The following LARGE1 variants were observed in gnomAD, a reference collection of about 807,000 sequenced individuals.
The protein encoded by LARGE1 is xylosyl- and glucuronyltransferase LARGE1.
LARGE1 carries 43 observed loss-of-function variants against 87.6 expected under a neutral mutation model. That is an observed-to-expected ratio of 0.49 (90% CI 0.38 to 0.63). The LOEUF (loss-of-function observed/expected upper bound fraction) is 0.63, where lower values mean the gene tolerates loss of function less well. LARGE1 is among the 30% of genes least tolerant of loss of function. The pLI is 0.00. For synonymous variants in LARGE1, 434 were observed against 394.6 expected, an observed-to-expected ratio of 1.10 and a Z score of -1.18; for missense variants, 802 against 1,000.2, an observed-to-expected ratio of 0.80 and a Z score of 2.67.
intron 6 of LARGE1, among the ~76,000 whole-genome samples, chr22:33,438,349 C>A (rs1208844530): frequency 6.6e-6 from 1 of 152,184 alleles, no homozygotes; most frequent in African/African-American, 2.4e-5. Context: ...AACACTGTGA[C>A]TCACAGAAAA....
At position 33,299,311 on chromosome 22, in the gene LARGE1, G is replaced by A. The variant is rs559554645; in HGVS notation, c.1730+4918C>T. 8.6e-5 allele frequency among the ~76,000 whole-genome samples: 13 copies of A among 151,936 alleles called. No individual in the cohort carries two copies. The South Asian group carries it at 2.7e-3, about 32-fold the overall frequency. ...AAGAAAGGAAGGGAAGGAAAGGAGT[G>A]GAGGGGAGGGGAAAAGAGGGAAGGG... On this transcript the variant is annotated intron_variant, in intron 12 of 14. Transcript: ENST00000397394.
chr22:33,589,274 G>C (rs2078766853), intron 5 of LARGE1, among the ~76,000 whole-genome samples: 1 of 152,168 alleles, frequency 6.6e-6, no homozygotes, highest in Non-Finnish European at 1.5e-5. Context: ...TCAAGGATCT[G>C]TCATGAGATT....
At chr22:33,149,206 AT>A in the LARGE1 span, among the ~76,000 whole-genome samples, 1 of 119,790 alleles carries the variant, frequency 8.3e-6, no homozygotes, top group South Asian at 4.4e-4. Context: ...CCGGCTAATT[AT>A]TTTTTTAATA....
chr22:33,783,838 G>C (rs1044107274), intron 1 of LARGE1, among the ~76,000 whole-genome samples: 3 of 152,086 alleles, frequency 2.0e-5, no homozygotes, highest in Admixed American at 2.0e-4. Context: ...GGTGGTTATT[G>C]ACCACCAGGC....
rs184525485 is a variant in LARGE1 at position 33,643,123 on chromosome 22, C to A, written c.408+7244G>T. Among the ~76,000 whole-genome samples the A allele has an allele frequency of 4.0e-4, 61 of 152,234 alleles. No individual in the cohort carries two copies. The East Asian group carries it at 0.011, about 27-fold the overall frequency. Reference sequence around the variant, plus strand: ...TGCCCAGCACCATAAAGCACTTATTCTAAAATCGACCACATAATTGGAAAT... The same window carrying A: ...TGCCCAGCACCATAAAGCACTTATTATAAAATCGACCACATAATTGGAAAT... On this transcript the variant is annotated intron_variant, in intron 3 of 14. Transcript: ENST00000397394.
At chr22:33,511,509 A>G (rs545509010) in intron 6 of LARGE1, among the ~76,000 whole-genome samples, 1 of 152,286 alleles carries the variant, frequency 6.6e-6, no homozygotes, top group South Asian at 2.1e-4. Flanking sequence ...AGGTGACCTA[A>G]GAAGTACAAC....
At chr22:33,805,320 A>T (rs1449146166) in intron 1 of LARGE1, among the ~76,000 whole-genome samples, 2 of 151,994 alleles carry the variant, frequency 1.3e-5, no homozygotes, top group African/African-American at 2.4e-5. Context: ...CCCTTCCTCT[A>T]TCCTTGTCTG....
intron 5 of LARGE1, among the ~76,000 whole-genome samples, chr22:33,580,693 A>G (rs968890971): frequency 5.3e-5 from 8 of 152,376 alleles, no homozygotes; most frequent in Middle Eastern, 3.4e-3. Flanking sequence ...ACAATGTACA[A>G]TAAGTAATAG....
intron 11 of LARGE1, among the ~76,000 whole-genome samples, chr22:33,259,560 A>G (rs1927512470): frequency 6.6e-6 from 1 of 152,186 alleles, no homozygotes; most frequent in East Asian, 1.9e-4. Flanking sequence ...TTAGCAAACA[A>G]TGTCTTGACA....
chr22:33,327,523 G>A (rs1351862229), intron 10 of LARGE1, among the ~76,000 whole-genome samples: 1 of 152,168 alleles, frequency 6.6e-6, no homozygotes, highest in African/African-American at 2.4e-5. Context: ...TGGGAAAACC[G>A]AGGTTCATGT....
At chr22:33,327,634 C>T (rs141345430) in intron 10 of LARGE1, among the ~76,000 whole-genome samples, 200 of 152,290 alleles carry the variant, frequency 1.3e-3, no homozygotes, top group African/African-American at 4.7e-3. Context: ...CGATTCACTG[C>T]AGCCTCGACC....
rs17722172 is a variant in LARGE1, at chr22:33,274,598, G to A, written c.2100C>T (p.Asn700=). ...VQEYEFIVLP[N]AYMIHMPHAP... ...CATGAGGCATGTGGATCATGTAGGC[G>A]TTGGGCAGCACAATGAACTCATACT... Residue 700 remains asparagine, a synonymous_variant, in exon 15 of 15, where the codon AAC becomes AAT. Transcript: ENST00000397394. 96,545 of 1,613,914 alleles carry A rather than the reference G, an allele frequency of 0.06. 3,243 individuals carry two copies. The highest frequency in any genetic ancestry group is 0.073 in the Middle Eastern group (443 of 6,062).
chr22:33,567,136 T>TG (rs1242016253), intron 5 of LARGE1, among the ~76,000 whole-genome samples: 1 of 152,184 alleles, frequency 6.6e-6, no homozygotes, highest in Non-Finnish European at 1.5e-5. Context: ...TGAGTCAGCA[T>TG]GGGGAACCTG....
intron 6 of LARGE1, among the ~76,000 whole-genome samples, chr22:33,509,450 G>T (rs530194115): frequency 6.0e-4 from 92 of 152,130 alleles, no homozygotes; most frequent in African/African-American, 2.1e-3. Context: ...TGGAAAGAGG[G>T]ATTTTTATTT....
chr22:33,166,444 T>C, exon 12 of LARGE1: 1 of 260,388 alleles, frequency 3.8e-6, no homozygotes, highest in South Asian at 4.3e-5. Flanking sequence ...CACGGGGATG[T>C]TCATCTGCAC....
chr22:33,868,841 T>C (rs2064186965), intron 1 of LARGE1, among the ~76,000 whole-genome samples: 1 of 152,144 alleles, frequency 6.6e-6, no homozygotes, highest in Non-Finnish European at 1.5e-5. Context: ...ATGGCTGACC[T>C]TGAGGGGCTC....
chr22:33,099,174 T>C, the LARGE1 span, among the ~76,000 whole-genome samples: 2 of 152,136 alleles, frequency 1.3e-5, no homozygotes, highest in Non-Finnish European at 2.9e-5. Flanking sequence ...TCCCTCCGAA[T>C]ATGTGTGAAA....
intron 1 of LARGE1, among the ~76,000 whole-genome samples, chr22:33,795,818 G>A (rs190636618): frequency 2.2e-4 from 33 of 152,118 alleles, no homozygotes; most frequent in Admixed American, 2.1e-3. Context: ...TTGGACACAG[G>A]GTGGGGAACA....
At chr22:33,768,694 C>T (rs571317196) in intron 1 of LARGE1, among the ~76,000 whole-genome samples, 2 of 152,240 alleles carry the variant, frequency 1.3e-5, no homozygotes, top group South Asian at 4.1e-4. Flanking sequence ...CGACTAAAAC[C>T]CCTTCTGGGC....
Sources: allele counts gnomAD v4.1 joint callset (sites outside exome capture counted in the v4.1 genomes callset), GRCh38; gene constraint gnomAD v4.1.1; transcripts MANE v1.5; gene names NCBI Gene and HGNC (gene_info 2026-07-23, HGNC 2026-07-21).